STX17: variants seen among roughly 807,000 people sequenced by gnomAD.
STX17 encodes the protein syntaxin 17, also known as syntaxin-17.
Under a neutral mutation model 35.9 loss-of-function variants are expected in STX17, and 29 were observed. The ratio of observed to expected loss-of-function variants is 0.81; its 90% CI spans 0.60 to 1.10. The LOEUF is 1.10. Ranked by LOEUF, STX17 falls within the 50% of genes least tolerant of loss-of-function variation. The pLI is 0.00. For missense variants in STX17, 312 were observed against 352.3 expected (o/e 0.89, Z 0.92); for synonymous variants, 92 against 118.3 (o/e 0.78, Z 1.44).
intron 6 of STX17, among the ~76,000 whole-genome samples, chr9:99,961,907 T>C (rs1427565900): frequency 6.6e-6 from 1 of 152,116 alleles, no homozygotes; most frequent in Non-Finnish European, 1.5e-5. Flanking sequence ...AGGGTCTAAC[T>C]CTTAGAAGGG....
In STX17 at chr9:99,968,436, T is replaced by G; in HGVS notation, c.672T>G (p.Ala224=). The change falls in exon 8 of 8, where the codon GCT becomes GCG. Residue 224 remains alanine, a splice_region_variant and synonymous_variant. Coordinates refer to ENST00000259400, the MANE Select transcript of STX17 (RefSeq NM_017919.3). ...TTGAATTTTTTTTTTTTTTACAGGC[T>G]GCAAAATACAAGCTGGCAGCTCTGC... ...VEEGTKNLGK[A]AKYKLAALPV... is the part of the protein sequence containing the mutation. 6.5e-7 allele frequency: 1 copy of G among 1,530,948 alleles called. No individual in the cohort carries two copies. The highest frequency in any genetic ancestry group is 8.8e-7 in the Non-Finnish European group (1 of 1,142,306). 94.8% of individuals were successfully genotyped at this position (1,530,948 alleles called of 1,614,324 possible).
chr9:99,944,047 G>A (rs1182386757), intron 3 of STX17, among the ~76,000 whole-genome samples: 1 of 127,110 alleles, frequency 7.9e-6, no homozygotes, highest in Non-Finnish European at 1.6e-5. Context: ...AGTTTGATAA[G>A]TTATAGTCTT....
Position 99,915,229 on chromosome 9 carries a change from A to AT in STX17, c.-4dup, listed in dbSNP as rs757474013. 1.2e-5 allele frequency: 19 copies of AT among 1,607,658 alleles called. No individual in the cohort carries two copies. In the Admixed American group the frequency reaches 2.7e-4, roughly 23 times the overall value. ...GCTGTTACCAGGGAGGTCATACAAC[A>AT]TTTTTTTAGGATGTCTGAAGATGAA... is the stretch of plus-strand genomic sequence containing the variant. On this transcript the variant is annotated 5_prime_UTR_variant, in exon 2 of 8. The change abolishes the stop of an existing upstream ORF in the 5' untranslated region. Transcript: ENST00000259400.
intron 2 of STX17, among the ~76,000 whole-genome samples, chr9:99,920,929 C>G (rs1828872044): frequency 6.6e-6 from 1 of 152,128 alleles, no homozygotes; most frequent in Non-Finnish European, 1.5e-5. Context: ...AGTTCATCCT[C>G]CACTTGAAAT....
At chr9:99,937,387 T>C (rs1487652810) in intron 3 of STX17, among the ~76,000 whole-genome samples, 1 of 152,196 alleles carries the variant, frequency 6.6e-6, no homozygotes, top group Admixed American at 6.5e-5. Flanking sequence ...ATTACACATA[T>C]GTTAGGTTGC....
intron 3 of STX17, 130 bp from the exon 4 acceptor site, chr9:99,950,930 A>G: frequency 1.1e-6 from 1 of 872,544 alleles, no homozygotes; most frequent in Non-Finnish European, 1.7e-6. Context: ...ATGTAAAAGT[A>G]TTATGCTACA....
intron 4 of STX17, among the ~76,000 whole-genome samples, chr9:99,957,464 C>T (rs899040514): frequency 1.3e-5 from 2 of 152,124 alleles, no homozygotes; most frequent in Non-Finnish European, 2.9e-5. Flanking sequence ...TAACACAATA[C>T]TCAGTGGGTG....
chr9:99,915,487 T>G, intron 2 of STX17, 125 bp downstream of exon 2: 6 of 1,176,848 alleles, frequency 5.1e-6, no homozygotes, highest in Non-Finnish European at 6.8e-6. Context: ...TCCTATTGAT[T>G]TAGCAACATT....
In STX17 at chr9:99,959,961, A is replaced by G. The variant is rs774915914; in HGVS notation, c.460A>G (p.Thr154Ala). ...AGCTGAAGCTAGTTCTCAGAGTTTG[A>G]CTCAGATATATGCCTTACCTGAAAT... ...TEAEASSQSL[T>A]QIYALPEIPQ... Residue 154 changes from threonine (T) to alanine (A), a missense_variant, in exon 5 of 8, where the codon ACT (threonine) becomes GCT (alanine). Coordinates refer to ENST00000259400, the MANE Select transcript of STX17 (RefSeq NM_017919.3). 3 of 1,613,912 alleles carry G rather than the reference A, an allele frequency of 1.9e-6. No homozygotes were observed. The highest frequency in any genetic ancestry group is 1.1e-5 in the South Asian group (1 of 91,010).
intron 2 of STX17, among the ~76,000 whole-genome samples, chr9:99,916,510 A>G (rs979339667): frequency 1.3e-5 from 2 of 151,804 alleles, no homozygotes; most frequent in Non-Finnish European, 1.5e-5. Context: ...AAGCCTTTCA[A>G]TATAAACATT....
At position 99,968,295 on chromosome 9, in the gene STX17, CT is replaced by C. The variant is rs565545126; in HGVS notation, c.670-138del. The C allele has an allele frequency of 9.7e-5, 105 of 1,085,780 alleles. No individual in the cohort carries two copies. In the African/African-American group the frequency reaches 1.6e-3, roughly 16 times the overall value. The allele number at this position is 1,085,780 out of a possible 1,614,324, so 67.3% of individuals were successfully genotyped here. A position where few individuals can be genotyped will look rare whatever the true frequency, so the allele number is the denominator to read the frequency against. ...CCTGTGGAATACTTTCTTTTCCCCCCTACAAGTACAGTCTCTAAGGTTAATT... is the reference window on the plus strand; with the variant it reads ...CCTGTGGAATACTTTCTTTTCCCCCCACAAGTACAGTCTCTAAGGTTAATT... On this transcript the variant is annotated intron_variant, in intron 7 of 7. Transcript: ENST00000259400.
At chr9:99,921,311 A>C (rs1828880733) in intron 2 of STX17, among the ~76,000 whole-genome samples, 1 of 152,166 alleles carries the variant, frequency 6.6e-6, no homozygotes, top group Admixed American at 6.5e-5. Context: ...AATTAAATGA[A>C]TTCCATAAGA....
chr9:99,917,666 T>A (rs2118319990), intron 2 of STX17, among the ~76,000 whole-genome samples: 1 of 152,292 alleles, frequency 6.6e-6, no homozygotes, highest in East Asian at 1.9e-4. Flanking sequence ...ATCCTGAAAT[T>A]TGAAGTGTTA....
At chr9:99,943,617 A>G (rs542340893) in intron 3 of STX17, among the ~76,000 whole-genome samples, 3 of 152,278 alleles carry the variant, frequency 2.0e-5, no homozygotes, top group African/African-American at 4.8e-5. Context: ...CTGAATCTCT[A>G]TATTTGAATA....
At chr9:99,937,792 G>C (rs1829266862) in intron 3 of STX17, 1 of 151,842 alleles carries the variant, frequency 6.6e-6, no homozygotes, top group South Asian at 2.1e-4. Flanking sequence ...TATTTGATTG[G>C]GTCTCTTTTA....
intron 2 of STX17, among the ~76,000 whole-genome samples, chr9:99,916,430 T>C (rs4598312): frequency 0.046 from 3,670 of 80,572 alleles, 103 homozygotes; most frequent in African/African-American, 0.093. Context: ...TTTATTTATT[T>C]ATTCATTCAT....
chr9:99,924,068 T>C (rs1828940893), intron 2 of STX17, among the ~76,000 whole-genome samples: 1 of 152,110 alleles, frequency 6.6e-6, no homozygotes, highest in South Asian at 2.1e-4. Flanking sequence ...ACAAAAAGGG[T>C]ATGATCTAAT....
intron 1 of STX17, among the ~76,000 whole-genome samples, chr9:99,909,947 A>T (rs913697173): frequency 1.3e-5 from 2 of 152,170 alleles, no homozygotes; most frequent in African/African-American, 4.8e-5. Flanking sequence ...AAAAGAAGAA[A>T]TGCAGCTGGG....
intron 4 of STX17, among the ~76,000 whole-genome samples, chr9:99,958,100 G>C (rs1829750689): frequency 6.6e-6 from 1 of 152,136 alleles, no homozygotes; most frequent in Non-Finnish European, 1.5e-5. Flanking sequence ...TCTCAAAGTA[G>C]ATTTCCAGCC....
Sources: allele counts gnomAD v4.1 joint callset (sites outside exome capture counted in the v4.1 genomes callset), GRCh38; gene constraint gnomAD v4.1.1; transcripts MANE v1.5; gene names NCBI Gene and HGNC (gene_info 2026-07-23, HGNC 2026-07-21).